WDR89: variants seen among roughly 807,000 people sequenced by gnomAD.
WDR89 encodes WD repeat domain 89, also known as WD repeat-containing protein 89.
A neutral mutation model predicts 29.1 loss-of-function variants in WDR89; 17 were observed. The ratio of observed to expected loss-of-function variants is 0.58; its 90% CI spans 0.40 to 0.88. The LOEUF (loss-of-function observed/expected upper bound fraction) is 0.88, where lower values mean the gene tolerates loss of function less well. Ranked by LOEUF, WDR89 falls within the 40% of genes least tolerant of loss-of-function variation. The probability of loss-of-function intolerance (pLI) is 0.00; values close to 1 mark genes in which losing one functional copy is unlikely to be tolerated. For synonymous variants in WDR89, 138 were observed against 157.8 expected (o/e 0.87, Z 0.94); for missense variants, 396 against 456.3 (o/e 0.87, Z 1.20).
chr14:63,620,191 C>G (rs1213267402), intron 2 of WDR89, among the ~76,000 whole-genome samples: 1 of 151,988 alleles, frequency 6.6e-6, no homozygotes, highest in Non-Finnish European at 1.5e-5. Context: ...GTGGTGTGCA[C>G]CTGTCATCCC....
chr14:63,600,777 C>CT (rs750474793), intron 2 of WDR89, among the ~76,000 whole-genome samples: 2 of 134,702 alleles, frequency 1.5e-5, no homozygotes, highest in Admixed American at 7.8e-5. Flanking sequence ...ATATTCATGC[C>CT]TTAATCCCTG....
intron 2 of WDR89, chr14:63,601,728 T>C: frequency 4.7e-6 from 7 of 1,483,556 alleles, no homozygotes; most frequent in Admixed American, 3.4e-5. Context: ...TCTTCTCCCA[T>C]AACATGGAGG....
In WDR89 at chr14:63,637,461, C is replaced by T. The variant is rs145575376; in HGVS notation, c.-138+4343G>A. ...ATTATTTGAAAAAGATACTTGCACA[C>T]GCATGTTTATAGCAGCACAATTCAC... On this transcript the variant is annotated intron_variant, in intron 1 of 2. Transcript: ENST00000620954. Among the ~76,000 whole-genome samples the T allele has an allele frequency of 3.2e-4, 49 of 152,298 alleles. 1 individual carries two copies. The highest frequency in any genetic ancestry group is 9.9e-4 in the African/African-American group (41 of 41,554).
rs771583508 is a variant in WDR89 at position 63,599,993 on chromosome 14, T to A, written c.-31-20A>T. The A allele has an allele frequency of 2.3e-6, 3 of 1,282,478 alleles. No homozygotes were observed. The highest frequency in any genetic ancestry group is 3.0e-6 in the Non-Finnish European group (3 of 984,836). The allele number at this position is 1,282,478 out of a possible 1,614,324, so 79.4% of individuals were successfully genotyped here. A position where few individuals can be genotyped will look rare whatever the true frequency, so the allele number is the denominator to read the frequency against. On this transcript the variant is annotated intron_variant, in intron 2 of 2. Transcript: ENST00000620954. Reference sequence around the variant, plus strand: ...AAAACTCTGTAAAAAATAATAATAATAAAAATAAAAATTAATGCTTAACAA... The same window carrying A: ...AAAACTCTGTAAAAAATAATAATAAAAAAAATAAAAATTAATGCTTAACAA...
intron 1 of WDR89, among the ~76,000 whole-genome samples, chr14:63,636,038 C>T (rs1168792378): frequency 6.6e-6 from 1 of 152,136 alleles, no homozygotes; most frequent in East Asian, 1.9e-4. Flanking sequence ...GAAACCCCAT[C>T]TCTATCAAAA....
In WDR89 at chr14:63,637,553, G is replaced by T. The variant is rs769013513; in HGVS notation, c.-138+4251C>A. 7.3e-5 allele frequency among the ~76,000 whole-genome samples: 11 copies of T among 151,418 alleles called. No homozygotes were observed. In the South Asian group the frequency reaches 1.3e-3, roughly 17 times the overall value. On this transcript the variant is annotated intron_variant, in intron 1 of 2. Coordinates refer to ENST00000620954, the MANE Select transcript of WDR89 (RefSeq NM_080666.4). ...ACAAGTGGATAAAGACACTGTGGTG[G>T]GTGTGTGTGTGTGTATATATATGTG...
intron 1 of WDR89, among the ~76,000 whole-genome samples, chr14:63,635,561 C>T (rs560036969): frequency 2.0e-5 from 3 of 152,182 alleles, no homozygotes; most frequent in African/African-American, 7.2e-5. Context: ...CCTCTGAGAA[C>T]TGGAACAAGA....
chr14:63,640,199 T>C (rs1884010880), intron 1 of WDR89, among the ~76,000 whole-genome samples: 1 of 152,232 alleles, frequency 6.6e-6, no homozygotes, highest in Non-Finnish European at 1.5e-5. Context: ...ACCACTGTTT[T>C]ACTCGGCCAT....
At position 63,598,268 on chromosome 14, in the gene WDR89, A is replaced by G. The variant is rs978659469; in HGVS notation, c.*511T>C. The G allele has an allele frequency of 1.3e-5, 2 of 152,250 alleles. No individual in the cohort carries two copies. The highest frequency in any genetic ancestry group is 1.5e-5 in the Non-Finnish European group (1 of 68,062). 9.4% of individuals were successfully genotyped at this position (152,250 alleles called of 1,614,324 possible). On this transcript the variant is annotated 3_prime_UTR_variant, in exon 3 of 3. Coordinates refer to ENST00000620954, the MANE Select transcript of WDR89 (RefSeq NM_080666.4). ...ACTTTACATAGATGCCTATCATTTC[A>G]TTTGTAAAAAAGGTTAATTCTATTT... is the stretch of plus-strand genomic sequence containing the variant.
intron 1 of WDR89, among the ~76,000 whole-genome samples, chr14:63,633,042 G>A (rs1883510658): frequency 6.6e-6 from 1 of 152,056 alleles, no homozygotes; most frequent in African/African-American, 2.4e-5. Context: ...ACAGGAGATA[G>A]CAATATCAAT....
intron 1 of WDR89, among the ~76,000 whole-genome samples, chr14:63,640,781 T>C (rs536149654): frequency 2.4e-3 from 355 of 150,112 alleles, no homozygotes; most frequent in African/African-American, 8.2e-3. Flanking sequence ...CAGGCTTTTA[T>C]TGACTTTAAA....
chr14:63,626,020 A>G (rs1883016691), intron 1 of WDR89, among the ~76,000 whole-genome samples: 1 of 151,896 alleles, frequency 6.6e-6, no homozygotes, highest in South Asian at 2.1e-4. Context: ...CACCCAGCTA[A>G]TTTTTGTATC....
chr14:63,601,993 T>C (rs1308473068), intron 2 of WDR89, among the ~76,000 whole-genome samples: 2 of 152,234 alleles, frequency 1.3e-5, no homozygotes, highest in Non-Finnish European at 2.9e-5. Flanking sequence ...CTTTCTAGCC[T>C]GTCTAACAAA....
intron 2 of WDR89, among the ~76,000 whole-genome samples, chr14:63,621,399 A>G (rs1882685947): frequency 6.6e-6 from 1 of 152,070 alleles, no homozygotes; most frequent in African/African-American, 2.4e-5. Context: ...GGAGTTCGAG[A>G]CCAGCCTGAC....
At chr14:63,622,059 T>C (rs1237209627) in intron 2 of WDR89, among the ~76,000 whole-genome samples, 1 of 152,228 alleles carries the variant, frequency 6.6e-6, no homozygotes, top group Non-Finnish European at 1.5e-5. Context: ...CATTTTTTCC[T>C]TTTAAATTTT....
rs1297161822 is a variant in WDR89 at position 63,598,814 on chromosome 14, T to C, written c.1129A>G (p.Ser377Gly). 1.9e-6 allele frequency: 3 copies of C among 1,604,090 alleles called. No individual in the cohort carries two copies. The highest frequency in any genetic ancestry group is 1.3e-5 in the African/African-American group (1 of 74,490). ...TTCCTTCTTTTATAAGAATCATTAC[T>C]ATGAACTCGTACTCGTTGGTGCACA... ...SSVHQRVRVH[S>G]NDSYKRRKKQ Residue 377 changes from serine (S) to glycine (G), a missense_variant, in exon 3 of 3, where the codon AGT becomes GGT. Transcript: ENST00000620954.
intron 2 of WDR89, among the ~76,000 whole-genome samples, chr14:63,608,647 A>C (rs946195979): frequency 1.3e-5 from 2 of 149,810 alleles, no homozygotes; most frequent in East Asian, 3.9e-4. Flanking sequence ...CTCAACAAAA[A>C]CCAGCCAGTG....
At chr14:63,610,705 T>TC (rs1260907562) in intron 2 of WDR89, among the ~76,000 whole-genome samples, 3 of 147,372 alleles carry the variant, frequency 2.0e-5, no homozygotes, top group Admixed American at 1.4e-4. Context: ...TTCTTTTCTT[T>TC]TTTTTTTTTT....
In WDR89 at chr14:63,598,153, C is replaced by T. The variant is rs1342296774; in HGVS notation, c.*626G>A. ...TATTTCACTTTGAGTCTCAATTTAC[C>T]AAGATAACTTCCTTTCAATCAGCAA... On this transcript the variant is annotated 3_prime_UTR_variant, in exon 3 of 3. Coordinates refer to ENST00000620954, the MANE Select transcript of WDR89 (RefSeq NM_080666.4). 4 of 152,080 alleles carry T rather than the reference C, an allele frequency of 2.6e-5. No homozygotes were observed. Among genetic ancestry groups the T allele is most frequent in the Non-Finnish European group, 5.9e-5 (4 of 67,996 alleles). 9.4% of individuals were successfully genotyped at this position (152,080 alleles called of 1,614,324 possible). A position where few individuals can be genotyped will look rare whatever the true frequency, so the allele number is the denominator to read the frequency against.
Sources: allele counts gnomAD v4.1 joint callset (sites outside exome capture counted in the v4.1 genomes callset), GRCh38; gene constraint gnomAD v4.1.1; transcripts MANE v1.5; gene names NCBI Gene and HGNC (gene_info 2026-07-23, HGNC 2026-07-21).